KIRREL3: variants seen among roughly 807,000 people sequenced by gnomAD.
The protein encoded by KIRREL3 is kin of IRRE-like protein 3.
KIRREL3 carries 36 observed loss-of-function variants against 89.7 expected under a neutral mutation model. The observed-to-expected ratio is 0.40, with a 90% CI of 0.31 to 0.53. The LOEUF is 0.53. Ranked by LOEUF, KIRREL3 falls within the 20% of genes least tolerant of loss-of-function variation. KIRREL3 has a pLI of 0.49. For synonymous variants in KIRREL3, 445 were observed against 441.4 expected (o/e 1.01, Z -0.10); for missense variants, 864 against 1,056.6 (o/e 0.82, Z 2.53).
chr11:126,428,650 G>A lies in KIRREL3; in HGVS notation c.1806+529C>T, dbSNP rs140637136. 6.6e-6 allele frequency among the ~76,000 whole-genome samples: 1 copy of A among 152,068 alleles called. No homozygotes were observed. Among genetic ancestry groups the A allele is most frequent in the Non-Finnish European group, 1.5e-5 (1 of 67,992 alleles). On this transcript the variant is annotated intron_variant, in intron 15 of 16. Transcript: ENST00000525144. This position sits in a 1 kb window ranked among gnomAD's most constrained non-coding sequence, Gnocchi z 6.4. ...TCTCTGAAGGGTAGACTGCATTTTT[G>A]TTGTTGTTGTTGTTTTGAGATGGAG...
rs948669510 is a variant in KIRREL3 at position 126,719,450 on chromosome 11, G to A, written c.56-156538C>T. Among the ~76,000 whole-genome samples, 3 of 152,160 alleles carry A rather than the reference G, an allele frequency of 2.0e-5. No homozygotes were observed. The highest frequency in any genetic ancestry group is 7.2e-5 in the African/African-American group (3 of 41,448). On this transcript the variant is annotated intron_variant, in intron 1 of 16. Coordinates refer to ENST00000525144, the MANE Select transcript of KIRREL3 (RefSeq NM_032531.4). This position sits in a 1 kb window ranked among gnomAD's most constrained non-coding sequence, Gnocchi z 4.7. ...GAGGACCTCAGGGCTTCTCCGAGCT[G>A]TCTACATTCACTGCCTAGGTGATCT... is the stretch of plus-strand genomic sequence containing the variant.
In KIRREL3 at chr11:126,432,351, G is replaced by A. The variant is rs1955167972; in HGVS notation, c.1589-825C>T. Among the ~76,000 whole-genome samples, 1 of 152,150 alleles carries A rather than the reference G, an allele frequency of 6.6e-6. No individual in the cohort carries two copies. Among genetic ancestry groups the A allele is most frequent in the Non-Finnish European group, 1.5e-5 (1 of 68,018 alleles). On this transcript the variant is annotated intron_variant, in intron 13 of 16. Coordinates refer to ENST00000525144, the MANE Select transcript of KIRREL3 (RefSeq NM_032531.4). The surrounding 1 kb of genome is among the most constrained non-coding windows in gnomAD (Gnocchi z 6.2). ...CAGGGAGGGTAAGGATAGAGTCGGGGGTGATCTTCCACACAGCCTTGGCCC... is the reference window on the plus strand; with the variant it reads ...CAGGGAGGGTAAGGATAGAGTCGGGAGTGATCTTCCACACAGCCTTGGCCC...
At chr11:126,507,225 G>A (rs1958050581) in intron 4 of KIRREL3, among the ~76,000 whole-genome samples, 3 of 152,016 alleles carry the variant, frequency 2.0e-5, no homozygotes, top group African/African-American at 4.8e-5. Flanking sequence ...GATTGACAAG[G>A]GATCGTTTTA....
intron 1 of KIRREL3, among the ~76,000 whole-genome samples, chr11:126,851,022 T>C (rs1273736666): frequency 2.0e-5 from 3 of 152,236 alleles, no homozygotes; most frequent in African/African-American, 7.2e-5. Flanking sequence ...ATTAATATGG[T>C]CAGCCCACCT....
At chr11:126,618,560 G>C (rs1325232343) in intron 1 of KIRREL3, among the ~76,000 whole-genome samples, 1 of 152,130 alleles carries the variant, frequency 6.6e-6, no homozygotes, top group Non-Finnish European at 1.5e-5. Flanking sequence ...TCAGCCTCCT[G>C]AGTAGCTGGT....
Position 126,943,305 on chromosome 11 carries a change from G to A in KIRREL3, c.55+57150C>T, listed in dbSNP as rs780416867. 2.0e-5 allele frequency among the ~76,000 whole-genome samples: 3 copies of A among 152,104 alleles called. No individual in the cohort carries two copies. Among genetic ancestry groups the A allele is most frequent in the Non-Finnish European group, 4.4e-5 (3 of 68,016 alleles). On this transcript the variant is annotated intron_variant, in intron 1 of 16. Transcript: ENST00000525144. The surrounding 1 kb of genome is among the most constrained non-coding windows in gnomAD (Gnocchi z 4.2). ...TACAGTTAAAGCCCTGTTCCAGGGA[G>A]GAGTGGAGGGAGACTCCATCTCCAC...
chr11:126,835,651 G>C (rs936879659), intron 1 of KIRREL3, among the ~76,000 whole-genome samples: 1 of 152,198 alleles, frequency 6.6e-6, no homozygotes, highest in Non-Finnish European at 1.5e-5. Flanking sequence ...TGGGGGCTCA[G>C]AGGGGGACAC....
rs961980452 is a variant in KIRREL3, at chr11:126,676,141, T to C, written c.56-113229A>G. 6.6e-6 allele frequency among the ~76,000 whole-genome samples: 1 copy of C among 152,172 alleles called. No individual in the cohort carries two copies. The highest frequency in any genetic ancestry group is 2.4e-5 in the African/African-American group (1 of 41,434). The stretch of plus-strand genomic sequence containing the variant: ...ATTCAGGTGTTTCATTGTTTGGCCA[T>C]GTAGGTCTAGAGCTCTGAAGAGAGA... On this transcript the variant is annotated intron_variant, in intron 1 of 16. Transcript: ENST00000525144. This position sits in a 1 kb window ranked among gnomAD's most constrained non-coding sequence, Gnocchi z 4.5.
rs1445515157 is a variant in KIRREL3 at position 126,778,317 on chromosome 11, C to G, written c.56-215405G>C. 6.6e-6 allele frequency among the ~76,000 whole-genome samples: 1 copy of G among 152,128 alleles called. No individual in the cohort carries two copies. Among genetic ancestry groups the G allele is most frequent in the Non-Finnish European group, 1.5e-5 (1 of 68,028 alleles). ...TGCAAGAGGAGGCCAGGGGATTTGT[C>G]TTGAAGTTGTGTTTGCGTAGCAATC... On this transcript the variant is annotated intron_variant, in intron 1 of 16. Coordinates refer to ENST00000525144, the MANE Select transcript of KIRREL3 (RefSeq NM_032531.4). This position sits in a 1 kb window ranked among gnomAD's most constrained non-coding sequence, Gnocchi z 4.5.
At chr11:126,457,370 C>CAT (rs1555111805) in intron 6 of KIRREL3, among the ~76,000 whole-genome samples, 229 of 149,810 alleles carry the variant, frequency 1.5e-3, no homozygotes, top group South Asian at 4.7e-3. Context: ...TGTGTGTATG[C>CAT]GTGTATGTGT....
chr11:126,572,263 C>G (rs1050234091), intron 1 of KIRREL3, among the ~76,000 whole-genome samples: 3 of 152,214 alleles, frequency 2.0e-5, no homozygotes, highest in Non-Finnish European at 2.9e-5. Context: ...CCCTACAGTT[C>G]TCTTGAGGCC....
chr11:126,846,282 A>G (rs1019242305), intron 1 of KIRREL3, among the ~76,000 whole-genome samples: 5 of 152,160 alleles, frequency 3.3e-5, no homozygotes, highest in African/African-American at 1.2e-4. Flanking sequence ...TTAAAGAGAA[A>G]CTTAAAAACT....
rs1410923802 is a variant in KIRREL3, at chr11:126,508,049, G to C, written c.433+13266C>G. On this transcript the variant is annotated intron_variant, in intron 4 of 16. Coordinates refer to ENST00000525144, the MANE Select transcript of KIRREL3 (RefSeq NM_032531.4). The surrounding 1 kb of genome is among the most constrained non-coding windows in gnomAD (Gnocchi z 4.9). ...GGTAGGGCAGAGATAGTCCTTCCTGGGGGGTGGCTGTGTGGCCATCAGCCT... is the reference window on the plus strand; with the variant it reads ...GGTAGGGCAGAGATAGTCCTTCCTGCGGGGTGGCTGTGTGGCCATCAGCCT... 6.6e-6 allele frequency among the ~76,000 whole-genome samples: 1 copy of C among 152,206 alleles called. No individual in the cohort carries two copies.
chr11:126,483,815 T>C (rs561942859), intron 4 of KIRREL3, among the ~76,000 whole-genome samples: 2 of 152,358 alleles, frequency 1.3e-5, no homozygotes, highest in African/African-American at 2.4e-5. Flanking sequence ...CTTAACTGGC[T>C]GGAATCCCAG....
intron 16 of KIRREL3, 92 bp from the exon 17 acceptor site, chr11:126,425,115 G>A: frequency 8.2e-7 from 1 of 1,221,132 alleles, no homozygotes; most frequent in Non-Finnish European, 1.1e-6. Flanking sequence ...CCTTATGCGG[G>A]GAGGGAAGAG....
At chr11:126,950,521 T>C (rs779802813) in intron 1 of KIRREL3, among the ~76,000 whole-genome samples, 3 of 152,190 alleles carry the variant, frequency 2.0e-5, no homozygotes, top group Non-Finnish European at 4.4e-5. Flanking sequence ...ATCTTGGAAA[T>C]GTTACAGTTC....
rs1946613131 is a variant in KIRREL3 at position 126,906,960 on chromosome 11, C to T, written c.55+93495G>A. 6.6e-6 allele frequency among the ~76,000 whole-genome samples: 1 copy of T among 152,116 alleles called. No homozygotes were observed. Among genetic ancestry groups the T allele is most frequent in the Admixed American group, 6.5e-5 (1 of 15,274 alleles). On this transcript the variant is annotated intron_variant, in intron 1 of 16. Coordinates refer to ENST00000525144, the MANE Select transcript of KIRREL3 (RefSeq NM_032531.4). The surrounding 1 kb of genome is among the most constrained non-coding windows in gnomAD (Gnocchi z 4.1). ...GGTTCATTGTTTAGATATTGAAAGA[C>T]AGGAGGGAAGCAGACCTAGGAAGGA...
chr11:126,460,232 T>C (rs1178505759), intron 6 of KIRREL3, among the ~76,000 whole-genome samples: 1 of 152,138 alleles, frequency 6.6e-6, no homozygotes, highest in Non-Finnish European at 1.5e-5. Flanking sequence ...ATCCCTTGCC[T>C]GTTAGGGCTG....
rs560810162 is a variant in KIRREL3, at chr11:126,740,640, T to G, written c.56-177728A>C. Among the ~76,000 whole-genome samples the G allele has an allele frequency of 2.8e-4, 42 of 152,232 alleles. No individual in the cohort carries two copies. The highest frequency in any genetic ancestry group is 9.6e-4 in the African/African-American group (40 of 41,552). Reference sequence around the variant, plus strand: ...TAAGATAATAATCCCTTAGCTTGACTGTGGCTCCAAGGGGGAGGTGCTAGT... The same window carrying G: ...TAAGATAATAATCCCTTAGCTTGACGGTGGCTCCAAGGGGGAGGTGCTAGT... On this transcript the variant is annotated intron_variant, in intron 1 of 16. Transcript: ENST00000525144. This position sits in a 1 kb window ranked among gnomAD's most constrained non-coding sequence, Gnocchi z 6.0.
Sources: gnomAD v4.1 joint callset for allele counts (sites outside exome capture counted in the v4.1 genomes callset) on GRCh38, gnomAD v4.1.1 for gene constraint, Gnocchi (gnomAD v3.1) non-coding constraint, MANE v1.5 for transcripts, NCBI Gene and HGNC (gene_info 2026-07-23, HGNC 2026-07-21) for gene names.